Variants in MAPK4 observed in about 807,000 individuals in gnomAD.
The protein encoded by MAPK4 is Erk3-related.
A neutral mutation model predicts 47.7 loss-of-function variants in MAPK4; 22 were observed. The observed-to-expected ratio is 0.46, with a 90% CI of 0.33 to 0.66. The LOEUF (loss-of-function observed/expected upper bound fraction) is 0.66. MAPK4 is among the 30% of genes least tolerant of loss of function. The pLI is 0.02. For synonymous variants in MAPK4, 390 were observed against 365.7 expected (o/e 1.07, Z -0.76); for missense variants, 736 against 831.7 (o/e 0.88, Z 1.42).
At chr18:50,628,030 T>G (rs960035112) in intron 1 of MAPK4, among the ~76,000 whole-genome samples, 5 of 152,098 alleles carry the variant, frequency 3.3e-5, no homozygotes, top group Admixed American at 3.3e-4. Flanking sequence ...ACCACACCCA[T>G]TGGTCTGCGT....
chr18:50,681,601 G>A (rs965421705), intron 2 of MAPK4, among the ~76,000 whole-genome samples: 2 of 152,112 alleles, frequency 1.3e-5, no homozygotes, highest in African/African-American at 4.8e-5. Flanking sequence ...TTTATACATT[G>A]TATGAGATAG....
At chr18:50,576,946 T>G (rs1450177543) in intron 1 of MAPK4, among the ~76,000 whole-genome samples, 2 of 152,196 alleles carry the variant, frequency 1.3e-5, no homozygotes, top group Non-Finnish European at 2.9e-5. Flanking sequence ...GTAGGTGCTG[T>G]AGGAGAGTTA....
intron 2 of MAPK4, among the ~76,000 whole-genome samples, chr18:50,683,994 C>T (rs1232710752): frequency 1.3e-5 from 2 of 152,176 alleles, no homozygotes; most frequent in African/African-American, 4.8e-5. Flanking sequence ...CCTGTGGTCC[C>T]TTGTAGTCCT....
At chr18:50,647,633 G>A (rs530061603) in intron 1 of MAPK4, among the ~76,000 whole-genome samples, 7 of 152,196 alleles carry the variant, frequency 4.6e-5, no homozygotes, top group East Asian at 3.9e-4. Flanking sequence ...AGCTTCTTTC[G>A]ATGCCACTGA....
intron 3 of MAPK4, among the ~76,000 whole-genome samples, chr18:50,717,295 G>T (rs1598950373): frequency 6.6e-6 from 1 of 152,152 alleles, no homozygotes; most frequent in Non-Finnish European, 1.5e-5. Context: ...CCAGGGAATG[G>T]AAAAGGGCAC....
Position 50,689,083 on chromosome 18 carries a change from A to T in MAPK4, c.546+24579A>T, listed in dbSNP as rs545993860. ...AGACCAGCCTGGCCAACATGGCAAA[A>T]CCCCGTCTCTACTAAAAATATAAAA... On this transcript the variant is annotated intron_variant, in intron 2 of 5. Coordinates refer to ENST00000400384, the MANE Select transcript of MAPK4 (RefSeq NM_002747.4). Among the ~76,000 whole-genome samples, 260 of 148,988 alleles carry T rather than the reference A, an allele frequency of 1.7e-3. 1 individual carries two copies. Among genetic ancestry groups the T allele is most frequent in the African/African-American group, 5.9e-3 (237 of 39,856 alleles).
At chr18:50,691,917 C>A (rs996313320) in intron 2 of MAPK4, among the ~76,000 whole-genome samples, 2 of 152,140 alleles carry the variant, frequency 1.3e-5, no homozygotes, top group Non-Finnish European at 2.9e-5. Context: ...TACCTGAGCA[C>A]TCAGATCTAC....
chr18:50,689,711 C>T (rs73959995), intron 2 of MAPK4, among the ~76,000 whole-genome samples: 3,099 of 152,212 alleles, frequency 0.02, 84 homozygotes, highest in African/African-American at 0.061. Context: ...GGCAACAGAG[C>T]GAGAACCCAC....
chr18:50,689,291 G>A (rs989666169), intron 2 of MAPK4, among the ~76,000 whole-genome samples: 24 of 151,722 alleles, frequency 1.6e-4, no homozygotes, highest in Non-Finnish European at 1.0e-4. Context: ...CCAGCTACTC[G>A]AGAGGCTGAG....
rs369920225 is a variant in MAPK4 at position 50,644,538 on chromosome 18, C to T, written c.-870-18551C>T. Among the ~76,000 whole-genome samples, 43 of 152,300 alleles carry T rather than the reference C, an allele frequency of 2.8e-4. No individual in the cohort carries two copies. The East Asian group carries it at 4.2e-3, about 15-fold the overall frequency. ...TCCAAAGGGCTCCTTTCCCCTCCCT[C>T]TTCCTTTCTCTCCAAGCCCTGGAAA... On this transcript the variant is annotated intron_variant, in intron 1 of 5. Transcript: ENST00000400384.
chr18:50,731,289 A>C lies in MAPK4; in HGVS notation c.*1435A>C, dbSNP rs1911550560. 1 of 152,206 alleles carries C rather than the reference A, an allele frequency of 6.6e-6. No individual in the cohort carries two copies. The highest frequency in any genetic ancestry group is 1.5e-5 in the Non-Finnish European group (1 of 68,098). 9.4% of individuals were successfully genotyped at this position (152,206 alleles called of 1,614,324 possible). ...CCCTCTGCAGAAGCGTGGGGTGGGGACACTGACAGCCCCTATCTGGTCCCC... is the reference window on the plus strand; with the variant it reads ...CCCTCTGCAGAAGCGTGGGGTGGGGCCACTGACAGCCCCTATCTGGTCCCC... On this transcript the variant is annotated 3_prime_UTR_variant, in exon 6 of 6. Transcript: ENST00000400384.
intron 1 of MAPK4, among the ~76,000 whole-genome samples, chr18:50,658,314 A>G (rs1419308801): frequency 6.6e-6 from 1 of 152,040 alleles, no homozygotes; most frequent in African/African-American, 2.4e-5. Context: ...CTGAGCCTAG[A>G]TGGTTTGTGG....
At chr18:50,685,851 T>G (rs1908852358) in intron 2 of MAPK4, among the ~76,000 whole-genome samples, 1 of 152,122 alleles carries the variant, frequency 6.6e-6, no homozygotes, top group Admixed American at 6.5e-5. Flanking sequence ...CGCAGCTCTC[T>G]GGAGCATGCT....
chr18:50,677,804 C>G (rs886471426), intron 2 of MAPK4, among the ~76,000 whole-genome samples: 1 of 152,132 alleles, frequency 6.6e-6, no homozygotes, highest in Non-Finnish European at 1.5e-5. Flanking sequence ...ATCTTCCTGC[C>G]TCTGCTTCCC....
chr18:50,644,608 G>A (rs893320), intron 1 of MAPK4, among the ~76,000 whole-genome samples: 3 of 152,026 alleles, frequency 2.0e-5, no homozygotes, highest in Non-Finnish European at 2.9e-5. Context: ...GCCATTCCCC[G>A]CATCGCCAAA....
chr18:50,570,386 C>T (rs1292735848), intron 1 of MAPK4, among the ~76,000 whole-genome samples: 1 of 152,198 alleles, frequency 6.6e-6, no homozygotes, highest in Non-Finnish European at 1.5e-5. Context: ...CCATCTCGAA[C>T]CTGCTTCTTC....
Position 50,617,591 on chromosome 18 carries a change from G to T in MAPK4, c.-870-45498G>T, listed in dbSNP as rs534832850. Among the ~76,000 whole-genome samples the T allele has an allele frequency of 2.4e-4, 36 of 152,284 alleles. No homozygotes were observed. In the Middle Eastern group the frequency reaches 0.01, roughly 43 times the overall value. On this transcript the variant is annotated intron_variant, in intron 1 of 5. Coordinates refer to ENST00000400384, the MANE Select transcript of MAPK4 (RefSeq NM_002747.4). Reference sequence around the variant, plus strand: ...CCATCTCAGCTGCAGAGCCGATGAGGTGGTTGTACCGACCTGTAGGATCCC... The same window carrying T: ...CCATCTCAGCTGCAGAGCCGATGAGTTGGTTGTACCGACCTGTAGGATCCC...
intron 1 of MAPK4, among the ~76,000 whole-genome samples, chr18:50,577,941 A>C (rs2042312088): frequency 6.6e-6 from 1 of 152,206 alleles, no homozygotes; most frequent in African/African-American, 2.4e-5. Flanking sequence ...TTGGAGAAAA[A>C]TAACCAGAAA....
chr18:50,613,866 C>T (rs2042660760), intron 1 of MAPK4, among the ~76,000 whole-genome samples: 1 of 152,072 alleles, frequency 6.6e-6, no homozygotes, highest in Non-Finnish European at 1.5e-5. Context: ...AGTTTAATTG[C>T]CCTAAGAGAG....
Sources: allele counts gnomAD v4.1 joint callset (sites outside exome capture counted in the v4.1 genomes callset), GRCh38; gene constraint gnomAD v4.1.1; transcripts MANE v1.5; gene names NCBI Gene and HGNC (gene_info 2026-07-23, HGNC 2026-07-21).